GJB4: variants seen among roughly 807,000 people sequenced by gnomAD.
GJB4 encodes gap junction beta-4 protein.
For synonymous variants in GJB4, 162 were observed against 158.1 expected, an observed-to-expected ratio of 1.02 and a Z score of -0.18; for missense variants, 371 against 363.8, an observed-to-expected ratio of 1.02 and a Z score of -0.16.
At position 34,761,319 on chromosome 1, in the gene GJB4, G is replaced by A. The variant is rs80358212; in HGVS notation, c.65G>A (p.Arg22His). The change falls in exon 2 of 2, where the codon CGC becomes CAC. Residue 22 changes from arginine (R) to histidine (H), a missense_variant. Physicochemically the swap from Arg to His is conservative, Grantham distance 29 (BLOSUM62 0). Coordinates refer to ENST00000339480, the MANE Select transcript of GJB4 (RefSeq NM_153212.3). The surrounding 1 kb of genome is among the most constrained non-coding windows in gnomAD (Gnocchi z 4.4). ...AACAAGTACTCCACAGTGCTGAGCCGCATCTGGCTGTCTGTGGTGTTCATC... is the reference window on the plus strand; with the variant it reads ...AACAAGTACTCCACAGTGCTGAGCCACATCTGGCTGTCTGTGGTGTTCATC... ...GVNKYSTVLS[R>H]IWLSVVFIFR... The A allele has an allele frequency of 7.2e-5, 117 of 1,613,888 alleles. No homozygotes were observed. Among genetic ancestry groups the A allele is most frequent in the Admixed American group, 1.3e-4 (8 of 60,004 alleles).
In GJB4 at chr1:34,761,448, A is replaced by G. The variant is rs201045814; in HGVS notation, c.194A>G (p.Tyr65Cys). Residue 65 changes from tyrosine (Y) to cysteine (C), a missense_variant, in exon 2 of 2, where the codon TAT (tyrosine) becomes TGT (cysteine). Physicochemically the swap from Tyr to Cys is radical, Grantham distance 194. Coordinates refer to ENST00000339480, the MANE Select transcript of GJB4 (RefSeq NM_153212.3). This position sits in a 1 kb window ranked among gnomAD's most constrained non-coding sequence, Gnocchi z 4.4. ...CAGCCCGGCTGCCCCAACGTCTGCT[A>G]TGACGAGTTCTTCCCCGTGTCCCAC... is the stretch of plus-strand genomic sequence containing the variant. ...TKQPGCPNVC[Y>C]DEFFPVSHVR... is the part of the protein sequence containing the mutation. 3 of 1,614,168 alleles carry G rather than the reference A, an allele frequency of 1.9e-6. No homozygotes were observed. The highest frequency in any genetic ancestry group is 4.5e-5 in the East Asian group (2 of 44,868).
rs1639701605 is a variant in GJB4 at position 34,761,116 on chromosome 1, G to A, written c.-139G>A. 1.3e-6 allele frequency: 1 copy of A among 763,718 alleles called. No homozygotes were observed. Among genetic ancestry groups the A allele is most frequent in the Admixed American group, 2.0e-5 (1 of 49,790 alleles). The allele number at this position is 763,718 out of a possible 1,614,324, so 47.3% of individuals were successfully genotyped here. ...GAAGACATGATGACACGGTGATTGT[G>A]AAAAGATTTTGTCAATCGCACCAGC... On this transcript the variant is annotated 5_prime_UTR_variant, in exon 2 of 2. Coordinates refer to ENST00000339480, the MANE Select transcript of GJB4 (RefSeq NM_153212.3). This position sits in a 1 kb window ranked among gnomAD's most constrained non-coding sequence, Gnocchi z 4.4.
rs567049818 is a variant in GJB4 at position 34,761,373 on chromosome 1, C to T, written c.119C>T (p.Ala40Val). 3.5e-5 allele frequency: 56 copies of T among 1,613,922 alleles called. No individual in the cohort carries two copies. The Middle Eastern group carries it at 6.6e-4, about 19-fold the overall frequency. Residue 40 changes from alanine to valine, a missense_variant, in exon 2 of 2, where the codon GCG becomes GTG. By Grantham distance (64) the Ala-to-Val change is moderately conservative (BLOSUM62 0). Coordinates refer to ENST00000339480, the MANE Select transcript of GJB4 (RefSeq NM_153212.3). The surrounding 1 kb of genome is among the most constrained non-coding windows in gnomAD (Gnocchi z 4.4). ...CGTGTGCTGGTGTACGTGGTGGCAG[C>T]GGAGGAGGTGTGGGACGATGAGCAG... Reference protein sequence around the residue: ...IFRVLVYVVAAEEVWDDEQKD... With the variant: ...IFRVLVYVVAVEEVWDDEQKD...
At position 34,761,382 on chromosome 1, in the gene GJB4, T is replaced by C. The variant is rs534084173; in HGVS notation, c.128T>C (p.Val43Ala). ...VLVYVVAAEE[V>A]WDDEQKDFVC... The stretch of plus-strand genomic sequence containing the variant: ...GTGTACGTGGTGGCAGCGGAGGAGG[T>C]GTGGGACGATGAGCAGAAGGACTTT... The change falls in exon 2 of 2, where the codon GTG (valine) becomes GCG (alanine). Residue 43 changes from valine (V) to alanine (A), a missense_variant. Physicochemically the swap from Val to Ala is moderately conservative, Grantham distance 64. Transcript: ENST00000339480. This position sits in a 1 kb window ranked among gnomAD's most constrained non-coding sequence, Gnocchi z 4.4. 47 of 1,613,680 alleles carry C rather than the reference T, an allele frequency of 2.9e-5. No individual in the cohort carries two copies. The African/African-American group carries it at 4.8e-4, about 17-fold the overall frequency.
rs760477640 is a variant in GJB4, at chr1:34,761,763, C to T, written c.509C>T (p.Pro170Leu). The part of the protein sequence containing the change: ...RVVACSVEPC[P>L]HTVDCYISRP... ...GTGGCCTGCTCCGTGGAGCCTTGCC[C>T]CCACACTGTGGACTGTTACATCTCC... Residue 170 changes from proline to leucine, a missense_variant, in exon 2 of 2, where the codon CCC (proline) becomes CTC (leucine). By Grantham distance (98) the Pro-to-Leu change is moderately conservative. Transcript: ENST00000339480. This position sits in a 1 kb window ranked among gnomAD's most constrained non-coding sequence, Gnocchi z 4.4. The T allele has an allele frequency of 1.9e-5, 31 of 1,613,972 alleles. No individual in the cohort carries two copies. Among genetic ancestry groups the T allele is most frequent in the Non-Finnish European group, 2.5e-5 (30 of 1,180,036 alleles).
In GJB4 at chr1:34,762,025, G is replaced by A. The variant is rs756019816; in HGVS notation, c.771G>A (p.Ser257=). 1.3e-4 allele frequency: 211 copies of A among 1,613,760 alleles called. No homozygotes were observed. The highest frequency in any genetic ancestry group is 1.7e-4 in the Non-Finnish European group (202 of 1,179,918). The part of the protein sequence containing the change: ...DGNSVLMKAG[S]APVDAGGYP Reference sequence around the variant, plus strand: ...ACTCTGTCCTAATGAAGGCTGGGTCGGCCCCAGTGGATGCAGGTGGGTATC... The same window carrying A: ...ACTCTGTCCTAATGAAGGCTGGGTCAGCCCCAGTGGATGCAGGTGGGTATC... The change falls in exon 2 of 2, where the codon TCG becomes TCA. Residue 257 remains serine (S), a synonymous_variant. Transcript: ENST00000339480.
In GJB4 at chr1:34,762,189, C is replaced by T; in HGVS notation, c.*134C>T. ...GCTGTGGGGGCTCAGGAAGCTCGCC[C>T]AGGGGCCAATGTGGGAGGTTGGGGG... is the stretch of plus-strand genomic sequence containing the variant. On this transcript the variant is annotated 3_prime_UTR_variant, in exon 2 of 2. Transcript: ENST00000339480. The T allele has an allele frequency of 1.1e-6, 1 of 898,772 alleles. No individual in the cohort carries two copies. The highest frequency in any genetic ancestry group is 1.8e-6 in the Non-Finnish European group (1 of 557,788). 55.7% of individuals were successfully genotyped at this position (898,772 alleles called of 1,614,324 possible). A position where few individuals can be genotyped will look rare whatever the true frequency, so the allele number is the denominator to read the frequency against.
At position 34,761,153 on chromosome 1, in the gene GJB4, C is replaced by A; in HGVS notation, c.-102C>A. The A allele has an allele frequency of 9.3e-7, 1 of 1,070,124 alleles. No homozygotes were observed. Among genetic ancestry groups the A allele is most frequent in the Non-Finnish European group, 1.4e-6 (1 of 702,200 alleles). 66.3% of individuals were successfully genotyped at this position (1,070,124 alleles called of 1,614,324 possible). ...TCAATCGCACCAGCATTAAGGGTGC[C>A]CATCTCCAGGTTCCCCCAGGCCTCA... On this transcript the variant is annotated 5_prime_UTR_variant, in exon 2 of 2. Transcript: ENST00000339480. The surrounding 1 kb of genome is among the most constrained non-coding windows in gnomAD (Gnocchi z 4.4).
chr1:34,761,478 G>A lies in GJB4; in HGVS notation c.224G>A (p.Arg75His), dbSNP rs151088412. ...YDEFFPVSHVRLWALQLILVT... is the reference protein window; with the variant it reads ...YDEFFPVSHVHLWALQLILVT... Reference sequence around the variant, plus strand: ...GAGTTCTTCCCCGTGTCCCACGTGCGCCTCTGGGCCCTACAGCTCATCCTG... The same window carrying A: ...GAGTTCTTCCCCGTGTCCCACGTGCACCTCTGGGCCCTACAGCTCATCCTG... Residue 75 changes from arginine (R) to histidine (H), a missense_variant, in exon 2 of 2, where the codon CGC (arginine) becomes CAC (histidine). Transcript: ENST00000339480. The surrounding 1 kb of genome is among the most constrained non-coding windows in gnomAD (Gnocchi z 4.4). 1.9e-4 allele frequency: 310 copies of A among 1,614,094 alleles called. 1 individual carries two copies. The Admixed American group carries it at 4.6e-3, about 24-fold the overall frequency.
Position 34,761,671 on chromosome 1 carries a change from C to T in GJB4, c.417C>T (p.Ala139=), listed in dbSNP as rs150737005. ...ACTTGCTGAGCCTCATCTTCAAGGCCGCCGTGGATGCTGGCTTCCTCTATA... is the reference window on the plus strand; with the variant it reads ...ACTTGCTGAGCCTCATCTTCAAGGCTGCCGTGGATGCTGGCTTCCTCTATA... ...WTYLLSLIFK[A]AVDAGFLYIF... is the part of the protein sequence containing the mutation. The change falls in exon 2 of 2, where the codon GCC becomes GCT. Residue 139 remains alanine (A), a synonymous_variant. Coordinates refer to ENST00000339480, the MANE Select transcript of GJB4 (RefSeq NM_153212.3). The surrounding 1 kb of genome is among the most constrained non-coding windows in gnomAD (Gnocchi z 4.4). 113 of 1,614,098 alleles carry T rather than the reference C, an allele frequency of 7.0e-5. No individual in the cohort carries two copies. The highest frequency in any genetic ancestry group is 2.7e-4 in the South Asian group (25 of 91,086).
chr1:34,762,157 G>T lies in GJB4; in HGVS notation c.*102G>T, dbSNP rs1395386749. On this transcript the variant is annotated 3_prime_UTR_variant, in exon 2 of 2. Transcript: ENST00000339480. ...ATCCTTGCCGTAGCAGGGTGGTGAGGAGGGTGGCTGTGGGGGCTCAGGAAG... is the reference window on the plus strand; with the variant it reads ...ATCCTTGCCGTAGCAGGGTGGTGAGTAGGGTGGCTGTGGGGGCTCAGGAAG... 4 of 1,238,874 alleles carry T rather than the reference G, an allele frequency of 3.2e-6. No homozygotes were observed. Among genetic ancestry groups the T allele is most frequent in the Non-Finnish European group, 4.6e-6 (4 of 864,812 alleles). 76.7% of individuals were successfully genotyped at this position (1,238,874 alleles called of 1,614,324 possible).
Position 34,760,976 on chromosome 1 carries a change from A to G in GJB4, c.-279A>G. Reference sequence around the variant, plus strand: ...TTTGGAACCTGAAGACCAAAGTGCAAGATTAGCTCTGCTACTTCCATCTGT... The same window carrying G: ...TTTGGAACCTGAAGACCAAAGTGCAGGATTAGCTCTGCTACTTCCATCTGT... On this transcript the variant is annotated 5_prime_UTR_variant, in exon 2 of 2. Coordinates refer to ENST00000339480, the MANE Select transcript of GJB4 (RefSeq NM_153212.3). 1 of 533,724 alleles carries G rather than the reference A, an allele frequency of 1.9e-6. No individual in the cohort carries two copies. Among genetic ancestry groups the G allele is most frequent in the Non-Finnish European group, 3.4e-6 (1 of 294,474 alleles). The allele number at this position is 533,724 out of a possible 1,614,324, so 33.1% of individuals were successfully genotyped here. A position where few individuals can be genotyped will look rare whatever the true frequency, so the allele number is the denominator to read the frequency against.
Position 34,761,477 on chromosome 1 carries a change from C to T in GJB4, c.223C>T (p.Arg75Cys), listed in dbSNP as rs143967235. ...CGAGTTCTTCCCCGTGTCCCACGTG[C>T]GCCTCTGGGCCCTACAGCTCATCCT... ...YDEFFPVSHV[R>C]LWALQLILVT... The change falls in exon 2 of 2, where the codon CGC becomes TGC. Residue 75 changes from arginine (R) to cysteine (C), a missense_variant. Arg to Cys is a radical substitution (Grantham distance 180, BLOSUM62 -3). Transcript: ENST00000339480. This position sits in a 1 kb window ranked among gnomAD's most constrained non-coding sequence, Gnocchi z 4.4. The T allele has an allele frequency of 9.7e-5, 157 of 1,614,114 alleles. No individual in the cohort carries two copies. The highest frequency in any genetic ancestry group is 5.2e-4 in the South Asian group (47 of 91,062).
chr1:34,761,145 A>T lies in GJB4; in HGVS notation c.-110A>T. 1 of 947,278 alleles carries T rather than the reference A, an allele frequency of 1.1e-6. No individual in the cohort carries two copies. Among genetic ancestry groups the T allele is most frequent in the Non-Finnish European group, 1.7e-6 (1 of 593,248 alleles). The allele number at this position is 947,278 out of a possible 1,614,324, so 58.7% of individuals were successfully genotyped here. A position where few individuals can be genotyped will look rare whatever the true frequency, so the allele number is the denominator to read the frequency against. The stretch of plus-strand genomic sequence containing the variant: ...AGATTTTGTCAATCGCACCAGCATT[A>T]AGGGTGCCCATCTCCAGGTTCCCCC... On this transcript the variant is annotated 5_prime_UTR_variant, in exon 2 of 2. Coordinates refer to ENST00000339480, the MANE Select transcript of GJB4 (RefSeq NM_153212.3). This position sits in a 1 kb window ranked among gnomAD's most constrained non-coding sequence, Gnocchi z 4.4.
chr1:34,762,315 G>T lies in GJB4; in HGVS notation c.*260G>T. On this transcript the variant is annotated 3_prime_UTR_variant, in exon 2 of 2. Transcript: ENST00000339480. ...ATATGTCAAACCTCTTAATAAATAT[G>T]ATTTTCCCAGTACTTTGCAGACCAG... The T allele has an allele frequency of 3.6e-6, 2 of 553,706 alleles. No individual in the cohort carries two copies. Among genetic ancestry groups the T allele is most frequent in the Admixed American group, 3.1e-5 (1 of 32,152 alleles). The allele number at this position is 553,706 out of a possible 1,614,324, so 34.3% of individuals were successfully genotyped here. A position where few individuals can be genotyped will look rare whatever the true frequency, so the allele number is the denominator to read the frequency against.
chr1:34,762,031 A>G lies in GJB4; in HGVS notation c.777A>G (p.Pro259=), dbSNP rs1222047351. ...NSVLMKAGSA[P]VDAGGYP ...TCCTAATGAAGGCTGGGTCGGCCCC[A>G]GTGGATGCAGGTGGGTATCCATAAC... The change falls in exon 2 of 2, where the codon CCA becomes CCG. Residue 259 remains proline, a synonymous_variant. Transcript: ENST00000339480. The G allele has an allele frequency of 1.2e-6, 2 of 1,613,636 alleles. No homozygotes were observed. The highest frequency in any genetic ancestry group is 1.1e-5 in the South Asian group (1 of 91,018).
chr1:34,761,244 A>C lies in GJB4; in HGVS notation c.-11A>C, dbSNP rs755253371. The C allele has an allele frequency of 5.0e-5, 81 of 1,613,962 alleles. No individual in the cohort carries two copies. The South Asian group carries it at 8.6e-4, about 17-fold the overall frequency. On this transcript the variant is annotated 5_prime_UTR_variant, in exon 2 of 2. Transcript: ENST00000339480. This position sits in a 1 kb window ranked among gnomAD's most constrained non-coding sequence, Gnocchi z 4.4. Reference sequence around the variant, plus strand: ...AGACCTTCCACGTGCAGCACCCAGGACACAGCCAGCATGAACTGGGCATTT... The same window carrying C: ...AGACCTTCCACGTGCAGCACCCAGGCCACAGCCAGCATGAACTGGGCATTT...
rs80142792 is a variant in GJB4 at position 34,761,881 on chromosome 1, G to A, written c.627G>A (p.Val209=). 739 of 1,614,208 alleles carry A rather than the reference G, an allele frequency of 4.6e-4. 1 individual carries two copies. In the African/African-American group the frequency reaches 7.3e-3, roughly 16 times the overall value. Residue 209 remains valine (V), a synonymous_variant, in exon 2 of 2, where the codon GTG becomes GTA. Coordinates refer to ENST00000339480, the MANE Select transcript of GJB4 (RefSeq NM_153212.3). This position sits in a 1 kb window ranked among gnomAD's most constrained non-coding sequence, Gnocchi z 4.4. ...ACCTCAGTGAAGTCTTCTACCTGGT[G>A]GGCAAGAGGTGCATGGAGATCTTCG... ...LLNLSEVFYL[V]GKRCMEIFGP...
Position 34,761,222 on chromosome 1 carries a change from C to A in GJB4, c.-33C>A. 1 of 1,612,106 alleles carries A rather than the reference C, an allele frequency of 6.2e-7. No homozygotes were observed. The highest frequency in any genetic ancestry group is 1.1e-5 in the South Asian group (1 of 90,736). ...TGGGCAGGTAGCACCCAGGTATAGA[C>A]CTTCCACGTGCAGCACCCAGGACAC... On this transcript the variant is annotated 5_prime_UTR_variant, in exon 2 of 2. Coordinates refer to ENST00000339480, the MANE Select transcript of GJB4 (RefSeq NM_153212.3). The surrounding 1 kb of genome is among the most constrained non-coding windows in gnomAD (Gnocchi z 4.4).
Sources: allele counts gnomAD v4.1 joint callset, GRCh38; gene constraint gnomAD v4.1.1; non-coding constraint Gnocchi (gnomAD v3.1); transcripts MANE v1.5; gene names NCBI Gene and HGNC (gene_info 2026-07-23, HGNC 2026-07-21).